The following CEP112 variants were observed in gnomAD, a reference collection of about 807,000 sequenced individuals.
CEP112 encodes centrosomal protein 112.
CEP112 carries 127 observed loss-of-function variants against 153.0 expected under a neutral mutation model. The observed-to-expected ratio is 0.83, with a 90% CI of 0.72 to 0.96. The LOEUF (loss-of-function observed/expected upper bound fraction) is 0.96, where lower values mean the gene tolerates loss of function less well. CEP112 is among the 40% of genes least tolerant of loss of function. The pLI is 0.00. For synonymous variants in CEP112, 358 were observed against 374.4 expected, an observed-to-expected ratio of 0.96 and a Z score of 0.51; for missense variants, 1,089 against 1,101.2, an observed-to-expected ratio of 0.99 and a Z score of 0.16.
At chr17:66,144,557 G>C (rs1460096123) in intron 4 of CEP112, among the ~76,000 whole-genome samples, 2 of 152,132 alleles carry the variant, frequency 1.3e-5, no homozygotes, top group Admixed American at 1.3e-4. Context: ...GCCGGGTATG[G>C]TGCTGCACAC....
chr17:65,777,152 G>T (rs765895296), intron 21 of CEP112, among the ~76,000 whole-genome samples: 9 of 152,228 alleles, frequency 5.9e-5, no homozygotes, highest in Non-Finnish European at 1.3e-4. Context: ...TTCCTTTTGA[G>T]GCGCCATGTA....
At chr17:65,971,788 C>T (rs138506199) in intron 17 of CEP112, among the ~76,000 whole-genome samples, 1 of 152,094 alleles carries the variant, frequency 6.6e-6, no homozygotes, top group East Asian at 1.9e-4. Context: ...ATATTAATAC[C>T]AGACAAAGCC....
chr17:65,993,033 C>T (rs1011400717), intron 17 of CEP112, among the ~76,000 whole-genome samples: 4 of 152,058 alleles, frequency 2.6e-5, no homozygotes, highest in Non-Finnish European at 5.9e-5. Context: ...CCCATCAACC[C>T]GTCACCTAGG....
chr17:65,782,624 T>C (rs117732254), intron 21 of CEP112, among the ~76,000 whole-genome samples: 4,037 of 152,172 alleles, frequency 0.027, 81 homozygotes, highest in South Asian at 0.055. Flanking sequence ...ATAAAGAAAA[T>C]GTGGTACATA....
rs190284952 is a variant in CEP112 at position 66,167,201 on chromosome 17, T to C, written c.470+7843A>G. Among the ~76,000 whole-genome samples, 15 of 152,230 alleles carry C rather than the reference T, an allele frequency of 9.9e-5. No homozygotes were observed. In the East Asian group the frequency reaches 2.9e-3, roughly 29 times the overall value. ...AAAATAATTAATGACCAACAGACTT[T>C]AAGATAATACCCTTTGGGAGGATTA... On this transcript the variant is annotated intron_variant, in intron 4 of 26. Transcript: ENST00000535342.
chr17:65,705,681 C>T (rs971378261), intron 23 of CEP112, among the ~76,000 whole-genome samples: 2 of 152,088 alleles, frequency 1.3e-5, no homozygotes, highest in African/African-American at 4.8e-5. Context: ...TTGGTTTCTG[C>T]AAGAAGTCAA....
At chr17:66,032,446 C>A (rs997472352) in intron 12 of CEP112, among the ~76,000 whole-genome samples, 2 of 152,000 alleles carry the variant, frequency 1.3e-5, no homozygotes, top group African/African-American at 2.4e-5. Flanking sequence ...AGGAGAGCCC[C>A]TAGTATTAAT....
chr17:65,935,004 A>T (rs1043671397), intron 18 of CEP112, among the ~76,000 whole-genome samples: 2 of 152,194 alleles, frequency 1.3e-5, no homozygotes, highest in Non-Finnish European at 2.9e-5. Flanking sequence ...CTCACCCACT[A>T]TCAAGAGAAC....
chr17:65,859,779 C>A (rs1274959417), intron 20 of CEP112, among the ~76,000 whole-genome samples: 2 of 147,328 alleles, frequency 1.4e-5, no homozygotes, highest in South Asian at 2.2e-4. Context: ...GAGGCCAAGG[C>A]GGGCAGATCA....
At chr17:65,979,314 T>C (rs2063147015) in intron 17 of CEP112, among the ~76,000 whole-genome samples, 1 of 152,086 alleles carries the variant, frequency 6.6e-6, no homozygotes, top group Admixed American at 6.6e-5. Flanking sequence ...GGCAATCAGT[T>C]CACTATAACC....
chr17:66,163,975 G>GA (rs1395905300), intron 4 of CEP112, among the ~76,000 whole-genome samples: 4 of 152,280 alleles, frequency 2.6e-5, no homozygotes, highest in African/African-American at 7.2e-5. Flanking sequence ...TACTGGGGGA[G>GA]AAAAAAGCCT....
intron 4 of CEP112, among the ~76,000 whole-genome samples, chr17:66,168,438 T>C (rs1253718873): frequency 7.0e-6 from 1 of 142,530 alleles, no homozygotes; most frequent in Non-Finnish European, 1.6e-5. Context: ...TATATGTATA[T>C]ATATGTGTGT....
At chr17:66,140,978 T>A (rs1194890761) in intron 4 of CEP112, among the ~76,000 whole-genome samples, 1 of 152,110 alleles carries the variant, frequency 6.6e-6, no homozygotes, top group African/African-American at 2.4e-5. Flanking sequence ...CTTTTCAGTA[T>A]AATCTTGATG....
Position 66,133,237 on chromosome 17 carries a change from C to A in CEP112, c.471-474G>T, listed in dbSNP as rs572801952. Among the ~76,000 whole-genome samples the A allele has an allele frequency of 6.6e-5, 10 of 152,196 alleles. No individual in the cohort carries two copies. The South Asian group carries it at 1.5e-3, about 22-fold the overall frequency. On this transcript the variant is annotated intron_variant, in intron 4 of 26. Transcript: ENST00000535342. ...TGTAATAAATCACCTGTATTTAAAT[C>A]TTTTCTCCTCCTTTCCCATTTTTCC...
At chr17:66,173,195 A>G (rs939727301) in intron 4 of CEP112, among the ~76,000 whole-genome samples, 2 of 152,208 alleles carry the variant, frequency 1.3e-5, no homozygotes, top group African/African-American at 4.8e-5. Flanking sequence ...AAGCTCAATA[A>G]CAGATGCAAT....
chr17:65,989,033 G>C (rs1384643148), intron 17 of CEP112, among the ~76,000 whole-genome samples: 1 of 151,670 alleles, frequency 6.6e-6, no homozygotes, highest in East Asian at 1.9e-4. Context: ...GACCACCCTG[G>C]CTGACACATG....
intron 21 of CEP112, among the ~76,000 whole-genome samples, chr17:65,771,948 G>C (rs2053380775): frequency 6.6e-6 from 1 of 152,004 alleles, no homozygotes; most frequent in Non-Finnish European, 1.5e-5. Context: ...CTTGAGCCCA[G>C]GAGTTTGAGT....
chr17:65,912,270 T>C (rs1233586530), intron 19 of CEP112, among the ~76,000 whole-genome samples: 1 of 152,192 alleles, frequency 6.6e-6, no homozygotes, highest in Non-Finnish European at 1.5e-5. Context: ...CTAGCCTTAC[T>C]ATCCAGTAGA....
chr17:65,746,728 A>G (rs2051496108), intron 22 of CEP112, among the ~76,000 whole-genome samples: 1 of 152,130 alleles, frequency 6.6e-6, no homozygotes, highest in South Asian at 2.1e-4. Flanking sequence ...AATTCAGATA[A>G]CCTACCCTTC....
Sources: gnomAD v4.1 joint callset for allele counts (sites outside exome capture counted in the v4.1 genomes callset) on GRCh38, gnomAD v4.1.1 for gene constraint, MANE v1.5 for transcripts, NCBI Gene and HGNC (gene_info 2026-07-23, HGNC 2026-07-21) for gene names.